CRB1: variants seen among roughly 807,000 people sequenced by gnomAD.
CRB1 encodes crumbs cell polarity complex component 1.
A neutral mutation model predicts 120.0 loss-of-function variants in CRB1; 83 were observed. The observed-to-expected ratio is 0.69, with a 90% confidence interval of 0.58 to 0.83. The LOEUF is 0.83. CRB1 is among the 40% of genes least tolerant of loss of function. The pLI is 0.00. For synonymous variants in CRB1, 625 were observed against 612.5 expected (o/e 1.02, Z -0.30); for missense variants, 1,699 against 1,687.6 (o/e 1.01, Z -0.12).
chr1:197,306,215 G>A (rs1657167168), intron 1 of CRB1, among the ~76,000 whole-genome samples: 1 of 152,136 alleles, frequency 6.6e-6, no homozygotes. Flanking sequence ...GATTCAAATT[G>A]CTATATAGCA....
chr1:197,337,939 G>A (rs1347061297), intron 2 of CRB1, among the ~76,000 whole-genome samples: 1 of 151,744 alleles, frequency 6.6e-6, no homozygotes, highest in Non-Finnish European at 1.5e-5. Context: ...TCCTAATGAA[G>A]AGAAACATAA....
At position 197,438,631 on chromosome 1, in the gene CRB1, G is replaced by A. The variant is rs1041984071; in HGVS notation, c.3834G>A (p.Gln1278=). The change falls in exon 10 of 12, where the codon CAG becomes CAA. Residue 1278 remains glutamine (Q), a synonymous_variant. Transcript: ENST00000367400. The part of the protein sequence containing the change: ...CYNGGNCTEF[Q]TELKCMCRPG... ...ATGGAGGCAACTGCACAGAGTTCCA[G>A]ACTGAATTAAAATGTATGTGCCGGC... 3.7e-6 allele frequency: 6 copies of A among 1,612,752 alleles called. No homozygotes were observed. Among genetic ancestry groups the A allele is most frequent in the Non-Finnish European group, 5.1e-6 (6 of 1,179,098 alleles).
chr1:197,439,743 C>T (rs1250515330), intron 10 of CRB1: 2 of 152,090 alleles, frequency 1.3e-5, no homozygotes, highest in Non-Finnish European at 2.9e-5. Context: ...TTGACTGACT[C>T]AATATTTCCC....
At chr1:197,232,762 C>T in the CRB1 span, among the ~76,000 whole-genome samples, 2 of 152,062 alleles carry the variant, frequency 1.3e-5, no homozygotes, top group Admixed American at 1.3e-4. Context: ...CACAGTAGGA[C>T]TCTCCTATAT....
At chr1:197,404,025 T>A (rs1435366720) in intron 5 of CRB1, among the ~76,000 whole-genome samples, 1 of 152,198 alleles carries the variant, frequency 6.6e-6, no homozygotes, top group Non-Finnish European at 1.5e-5. Flanking sequence ...GTTTCACAGA[T>A]ACTTCAAACC....
At chr1:197,299,963 A>G (rs1407996970) in intron 1 of CRB1, among the ~76,000 whole-genome samples, 1 of 151,838 alleles carries the variant, frequency 6.6e-6, no homozygotes. Flanking sequence ...TACATGTGTT[A>G]GGGTAATCTG....
intron 2 of CRB1, among the ~76,000 whole-genome samples, chr1:197,341,291 C>T (rs1402797427): frequency 6.6e-6 from 1 of 152,110 alleles, no homozygotes; most frequent in Non-Finnish European, 1.5e-5. Flanking sequence ...GCCTGTAATC[C>T]CAGCACTTTG....
At chr1:197,356,688 C>T in intron 4 of CRB1, 143 bp from the exon 5 acceptor site, 3 of 784,882 alleles carry the variant, frequency 3.8e-6, no homozygotes, top group African/African-American at 1.7e-5. Context: ...CTCCTCTTAC[C>T]AGATTCCCCT....
At chr1:197,222,516 C>T in the CRB1 span, 1 of 768,404 alleles carries the variant, frequency 1.3e-6, no homozygotes, top group Non-Finnish European at 2.4e-6. Flanking sequence ...GAATGCAGTT[C>T]CGTTTGGTCT....
At chr1:197,326,101 T>G (rs990572592) in intron 1 of CRB1, among the ~76,000 whole-genome samples, 1 of 152,288 alleles carries the variant, frequency 6.6e-6, no homozygotes, top group Admixed American at 6.5e-5. Context: ...TATACATATA[T>G]GTATGCATAT....
At chr1:197,298,320 G>A (rs1462055716) in intron 1 of CRB1, among the ~76,000 whole-genome samples, 1 of 152,044 alleles carries the variant, frequency 6.6e-6, no homozygotes, top group Admixed American at 6.6e-5. Flanking sequence ...AACAGGAATA[G>A]ATGTATATGG....
At chr1:197,319,847 G>A (rs756637875) in intron 1 of CRB1, among the ~76,000 whole-genome samples, 3 of 152,068 alleles carry the variant, frequency 2.0e-5, no homozygotes, top group South Asian at 2.1e-4. Context: ...ATTTTTAGCC[G>A]CAAGTGGTTT....
chr1:197,460,664 A>G (rs1037208584), intron 11 of CRB1, among the ~76,000 whole-genome samples: 10 of 152,302 alleles, frequency 6.6e-5, no homozygotes, highest in Non-Finnish European at 8.8e-5. Context: ...TTGGGGTCAC[A>G]CAGTTCATTT....
chr1:197,245,268 C>T, the CRB1 span, among the ~76,000 whole-genome samples: 1 of 151,970 alleles, frequency 6.6e-6, no homozygotes, highest in Non-Finnish European at 1.5e-5. Context: ...CTTTAAGAGG[C>T]TTTAAAAATT....
chr1:197,362,481 C>A (rs77085518), intron 5 of CRB1, among the ~76,000 whole-genome samples: 3,083 of 152,128 alleles, frequency 0.02, 90 homozygotes, highest in African/African-American at 0.067. Context: ...AAAGTCCCCA[C>A]CTATAATTAT....
At chr1:197,299,075 G>A (rs1283061278) in intron 1 of CRB1, among the ~76,000 whole-genome samples, 3 of 151,884 alleles carry the variant, frequency 2.0e-5, no homozygotes, top group Non-Finnish European at 4.4e-5. Flanking sequence ...TCAACAAACT[G>A]GGAGAAGGAA....
chr1:197,456,676 C>T (rs7514167), intron 11 of CRB1, among the ~76,000 whole-genome samples: 141,688 of 152,160 alleles, frequency 0.93, 66,863 homozygotes, highest in East Asian at 1. Context: ...TACCCTTTCC[C>T]GAACCAATCC....
intron 1 of CRB1, among the ~76,000 whole-genome samples, chr1:197,306,951 G>A (rs898345937): frequency 1.3e-5 from 2 of 152,192 alleles, no homozygotes; most frequent in East Asian, 3.9e-4. Context: ...AAAAGGAGTC[G>A]ATTTGTGTGG....
At chr1:197,475,271 C>A (rs1357186883) in intron 11 of CRB1, among the ~76,000 whole-genome samples, 1 of 152,144 alleles carries the variant, frequency 6.6e-6, no homozygotes, top group African/African-American at 2.4e-5. Flanking sequence ...ATTCTTCCTA[C>A]ACAAACCTCA....
Sources: gnomAD v4.1 joint callset for allele counts (sites outside exome capture counted in the v4.1 genomes callset) on GRCh38, gnomAD v4.1.1 for gene constraint, MANE v1.5 for transcripts, NCBI Gene and HGNC (gene_info 2026-07-23, HGNC 2026-07-21) for gene names.